WDR62: variants seen among roughly 807,000 people sequenced by gnomAD.
WDR62 encodes WD repeat domain 62, also known as WD repeat-containing protein 62.
Under a neutral mutation model 160.6 loss-of-function variants are expected in WDR62, and 112 were observed. That is an observed-to-expected ratio of 0.70 (90% CI 0.60 to 0.82). WDR62 has a LOEUF of 0.82. Among genes scored for constraint, WDR62 ranks in the 40% least tolerant of loss-of-function variants. The pLI, the probability that WDR62 is intolerant of heterozygous loss-of-function variation, is 0.00. For synonymous variants in WDR62, 792 were observed against 815.1 expected (o/e 0.97, Z 0.48); for missense variants, 1,819 against 1,983.8 (o/e 0.92, Z 1.58).
chr19:36,062,717 A>T (rs945922992), intron 3 of WDR62: 2 of 152,004 alleles, frequency 1.3e-5, no homozygotes, highest in Non-Finnish European at 2.9e-5. Flanking sequence ...CCTACAAAAA[A>T]AAATGACAAT....
chr19:36,056,047 C>G (rs966479014), intron 1 of WDR62, among the ~76,000 whole-genome samples: 1 of 152,156 alleles, frequency 6.6e-6, no homozygotes, highest in Non-Finnish European at 1.5e-5. Flanking sequence ...CGCCTGTAAT[C>G]CCAGCTACTC....
chr19:36,101,968 A>C, intron 25 of WDR62, 46 bp from the exon 26 acceptor site: 2 of 1,613,214 alleles, frequency 1.2e-6, no homozygotes, highest in South Asian at 1.1e-5. Flanking sequence ...GTCTGCTGTG[A>C]CTCATGGTGT....
chr19:36,064,416 C>T (rs1237237231), intron 3 of WDR62, among the ~76,000 whole-genome samples: 2 of 152,028 alleles, frequency 1.3e-5, no homozygotes, highest in African/African-American at 4.8e-5. Flanking sequence ...GCTGGGACTA[C>T]AGGCGCCCAC....
At chr19:36,078,660 C>T (rs1599785705) in intron 9 of WDR62, among the ~76,000 whole-genome samples, 1 of 151,648 alleles carries the variant, frequency 6.6e-6, no homozygotes, top group African/African-American at 2.4e-5. Flanking sequence ...CATGGCAAAA[C>T]CCTGTCTCTG....
At chr19:36,107,647 C>A (rs576866594), downstream of WDR62, among the ~76,000 whole-genome samples, 150 of 152,050 alleles carry the variant, frequency 9.9e-4, no homozygotes, top group Non-Finnish European at 1.8e-3. Context: ...ATGGAGATTG[C>A]TTTGATGTGC....
chr19:36,063,983 T>G (rs1467657929), intron 3 of WDR62, among the ~76,000 whole-genome samples: 1 of 152,214 alleles, frequency 6.6e-6, no homozygotes, highest in Non-Finnish European at 1.5e-5. Flanking sequence ...CCTGTCTGGT[T>G]AGGTAACTGC....
intron 3 of WDR62, among the ~76,000 whole-genome samples, chr19:36,063,352 C>T (rs537554948): frequency 6.6e-5 from 10 of 152,076 alleles, no homozygotes; most frequent in African/African-American, 2.4e-4. Context: ...TGGGTTCAAG[C>T]GATTCTCTGC....
chr19:36,099,511 A>G lies in WDR62; in HGVS notation c.2633A>G (p.Asp878Gly). The change falls in exon 22 of 32, where the codon GAT becomes GGT. Residue 878 changes from aspartate (D) to glycine (G), a missense_variant. Coordinates refer to ENST00000401500, the MANE Select transcript of WDR62 (RefSeq NM_001083961.2). ...CAAGAGCCCCTCAAGACCATCCTGG[A>G]TGCCCAGGACCTGGATTGCTACTTT... ...AGQEPLKTIL[D>G]AQDLDCYFTP... The G allele has an allele frequency of 6.2e-7, 1 of 1,614,122 alleles. No homozygotes were observed. The highest frequency in any genetic ancestry group is 2.2e-5 in the East Asian group (1 of 44,864).
intron 18 of WDR62, among the ~76,000 whole-genome samples, chr19:36,092,411 T>G (rs554405097): frequency 6.6e-6 from 1 of 152,130 alleles, no homozygotes; most frequent in South Asian, 2.1e-4. Flanking sequence ...CTTTTGTCAC[T>G]CCCTTTGATT....
At chr19:36,091,606 C>A in intron 18 of WDR62, 141 bp downstream of exon 18, 1 of 848,256 alleles carries the variant, frequency 1.2e-6, no homozygotes, top group African/African-American at 1.7e-5. Context: ...AGTTCAAATA[C>A]CAGCTCTAAG....
chr19:36,074,544 C>T (rs892343283), intron 9 of WDR62, among the ~76,000 whole-genome samples: 4 of 152,036 alleles, frequency 2.6e-5, no homozygotes, highest in Admixed American at 6.6e-5. Context: ...TGCAGCTACT[C>T]GGCAGGGGCT....
At chr19:36,099,221 CAAAAAAAAAAAAA>C (rs71167592) in intron 21 of WDR62, among the ~76,000 whole-genome samples, 165 bp from the exon 22 acceptor site, 2 of 76,318 alleles carry the variant, frequency 2.6e-5, no homozygotes, top group African/African-American at 1.0e-4. Context: ...GACTTCGTCT[CAAAAAAAAAAAAA>C]AAAAAAAAAA....
intron 20 of WDR62, among the ~76,000 whole-genome samples, chr19:36,096,432 G>T (rs1032330359): frequency 6.6e-6 from 1 of 152,078 alleles, no homozygotes. Context: ...CCGGCTGGGC[G>T]CAGTGGCTCA....
chr19:36,065,977 G>A lies in WDR62; in HGVS notation c.352G>A (p.Ala118Thr). 6.2e-7 allele frequency: 1 copy of A among 1,614,174 alleles called. No individual in the cohort carries two copies. The highest frequency in any genetic ancestry group is 1.3e-5 in the African/African-American group (1 of 75,058). ...NTARKSLSALAFSPDGKYIVT... is the reference protein window; with the variant it reads ...NTARKSLSALTFSPDGKYIVT... ...CCCCAGGAAGTCTCTCAGTGCTCTG[G>A]CCTTCTCCCCTGATGGGAAGTACAT... is the stretch of plus-strand genomic sequence containing the variant. Residue 118 changes from alanine to threonine, a missense_variant, in exon 4 of 32, where the codon GCC becomes ACC. This residue lies in a region of WDR62 where 934 missense variants were observed against 1,157.2 expected (regional missense o/e 0.81). Coordinates refer to ENST00000401500, the MANE Select transcript of WDR62 (RefSeq NM_001083961.2).
chr19:36,085,891 G>A (rs8101244), intron 12 of WDR62, among the ~76,000 whole-genome samples: 106 of 151,690 alleles, frequency 7.0e-4, no homozygotes, highest in African/African-American at 2.3e-3. Flanking sequence ...GGTATTGCAC[G>A]ATGCTGGTCT....
At position 36,092,541 on chromosome 19, in the gene WDR62, C is replaced by T. The variant is rs533756099; in HGVS notation, c.2211-148C>T. The T allele has an allele frequency of 2.3e-4, 264 of 1,161,830 alleles. 2 individuals are homozygous for T. In the African/African-American group the frequency reaches 3.6e-3, roughly 16 times the overall value. The allele number at this position is 1,161,830 out of a possible 1,614,324, so 72.0% of individuals were successfully genotyped here. On this transcript the variant is annotated intron_variant, in intron 18 of 31. Transcript: ENST00000401500. Reference sequence around the variant, plus strand: ...TGTGGATGTGGCAAGTCCAGCACCCCTGCACTAAGCGGATAGGGGTGTGTT... The same window carrying T: ...TGTGGATGTGGCAAGTCCAGCACCCTTGCACTAAGCGGATAGGGGTGTGTT...
intron 12 of WDR62, among the ~76,000 whole-genome samples, chr19:36,085,040 C>T (rs1485014110): frequency 2.0e-5 from 3 of 152,054 alleles, no homozygotes; most frequent in Non-Finnish European, 4.4e-5. Flanking sequence ...GATTGTTAGG[C>T]ATTATTTTCA....
At chr19:36,083,327 C>T in intron 11 of WDR62, 86 bp downstream of exon 11, 2 of 1,346,836 alleles carry the variant, frequency 1.5e-6, no homozygotes, top group Admixed American at 2.0e-5. Context: ...CTGGCCTTGG[C>T]ACCTCCTGCT....
Position 36,066,324 on chromosome 19 carries a change from G to A in WDR62, c.458G>A (p.Gly153Asp), listed in dbSNP as rs777553165. Residue 153 changes from glycine to aspartate, a missense_variant, in exon 5 of 32, where the codon GGC (glycine) becomes GAC (aspartate). Physicochemically the swap from Gly to Asp is moderately conservative, Grantham distance 94. Transcript: ENST00000401500. ...EEKNQVAEML[G>D]HKYGVACVAF... The stretch of plus-strand genomic sequence containing the variant: ...AAGAATCAGGTGGCGGAGATGCTAG[G>A]CCACAAGTATGGTGTGGCGTGTGTG... The A allele has an allele frequency of 1.2e-6, 2 of 1,614,214 alleles. No individual in the cohort carries two copies.
Sources: allele counts gnomAD v4.1 joint callset (sites outside exome capture counted in the v4.1 genomes callset), GRCh38; gene constraint gnomAD v4.1.1; regional missense constraint gnomAD v4.1.1; transcripts MANE v1.5; gene names NCBI Gene and HGNC (gene_info 2026-07-23, HGNC 2026-07-21).